The following ANK1 variants were observed in gnomAD, a reference collection of about 807,000 sequenced individuals.
ANK1 encodes ankyrin 1, also known as ankyrin-1.
Under a neutral mutation model 210.4 loss-of-function variants are expected in ANK1, and 51 were observed. The observed-to-expected ratio is 0.24, with a 90% CI of 0.19 to 0.31. The LOEUF is 0.31. Ranked by LOEUF, ANK1 falls within the 10% of genes least tolerant of loss-of-function variation. ANK1 has a pLI of 1.00. For missense variants in ANK1, 2,051 were observed against 2,504.4 expected (o/e 0.82, Z 3.86); for synonymous variants, 967 against 1,025.9 (o/e 0.94, Z 1.10).
chr8:41,800,173 C>A (rs1046768737), upstream of ANK1, among the ~76,000 whole-genome samples: 1 of 152,168 alleles, frequency 6.6e-6, no homozygotes, highest in African/African-American at 2.4e-5. Flanking sequence ...TCTCCACTCC[C>A]CCAAACCCCT....
At chr8:41,896,395 T>C in exon 1 of ANK1, 1 of 1,602,216 alleles carries the variant, frequency 6.2e-7, no homozygotes, top group Non-Finnish European at 8.5e-7. Context: ...CCGCTTCCTG[T>C]TGGATTCCTC....
At chr8:41,665,293 C>T (rs1231721230) in intron 39 of ANK1, 2 of 1,457,480 alleles carry the variant, frequency 1.4e-6, no homozygotes, top group Non-Finnish European at 1.8e-6. Flanking sequence ...TGACATCACG[C>T]TCCTATAATT....
intron 2 of ANK1, among the ~76,000 whole-genome samples, chr8:41,744,566 T>C (rs1483035590): frequency 6.8e-6 from 1 of 146,688 alleles, no homozygotes; most frequent in Non-Finnish European, 1.5e-5. Context: ...AGACAGAGTC[T>C]TGCTCTATTG....
chr8:41,849,805 T>C (rs1220580634), intron 1 of ANK1, among the ~76,000 whole-genome samples: 1 of 152,200 alleles, frequency 6.6e-6, no homozygotes, highest in Non-Finnish European at 1.5e-5. Flanking sequence ...ATTTTCTCTC[T>C]TCCTCTTAAC....
chr8:41,798,165 G>A (rs1248906288), upstream of ANK1, among the ~76,000 whole-genome samples: 3 of 152,002 alleles, frequency 2.0e-5, no homozygotes. Flanking sequence ...CGGCGCTGCG[G>A]GTGTGGGGCG....
chr8:41,726,116 CCCTGAAGCCCTT>C (rs1830640439), intron 5 of ANK1, among the ~76,000 whole-genome samples, 170 bp from the exon 6 acceptor site: 1 of 152,264 alleles, frequency 6.6e-6, no homozygotes, highest in Non-Finnish European at 1.5e-5. Flanking sequence ...GCCATCTCCT[CCCTGAAGCCCTT>C]CCTGCCTCCA....
At chr8:41,800,518 G>A (rs1388868637), upstream of ANK1, among the ~76,000 whole-genome samples, 1 of 152,088 alleles carries the variant, frequency 6.6e-6, no homozygotes, top group Non-Finnish European at 1.5e-5. Context: ...CATCTGGAAG[G>A]CAACAAAAAG....
intron 35 of ANK1, among the ~76,000 whole-genome samples, chr8:41,687,463 G>A (rs1015221222): frequency 1.3e-5 from 2 of 152,202 alleles, no homozygotes; most frequent in South Asian, 2.1e-4. Flanking sequence ...GCACGAGAAC[G>A]TAGCTTCTTG....
At chr8:41,880,756 G>C (rs1448026136) in intron 1 of ANK1, among the ~76,000 whole-genome samples, 1 of 152,240 alleles carries the variant, frequency 6.6e-6, no homozygotes, top group Admixed American at 6.5e-5. Context: ...AGAAGGCTCA[G>C]GCTTCTGCAT....
chr8:41,683,118 G>T (rs1022633441), intron 37 of ANK1, among the ~76,000 whole-genome samples: 4 of 145,798 alleles, frequency 2.7e-5, no homozygotes, highest in Non-Finnish European at 5.9e-5. Flanking sequence ...ACACACATAC[G>T]CACACACACA....
chr8:41,692,418 T>C (rs1379165564), intron 31 of ANK1, among the ~76,000 whole-genome samples: 1 of 152,242 alleles, frequency 6.6e-6, no homozygotes, highest in Non-Finnish European at 1.5e-5. Flanking sequence ...ACTCTTTTCA[T>C]AGATCACTGG....
chr8:41,681,986 G>A (rs983257213), intron 37 of ANK1, among the ~76,000 whole-genome samples: 5 of 152,168 alleles, frequency 3.3e-5, no homozygotes, highest in Non-Finnish European at 5.9e-5. Flanking sequence ...CAGAACATTC[G>A]ACTGTGACCA....
chr8:41,856,889 T>A (rs1459794087), intron 1 of ANK1, among the ~76,000 whole-genome samples: 1 of 146,488 alleles, frequency 6.8e-6, no homozygotes, highest in Non-Finnish European at 1.5e-5. Context: ...TTTTTTTTTT[T>A]TTTTTTTTTT....
chr8:41,827,518 T>C (rs1354005368), intron 1 of ANK1, among the ~76,000 whole-genome samples: 1 of 152,226 alleles, frequency 6.6e-6, no homozygotes, highest in Non-Finnish European at 1.5e-5. Flanking sequence ...TAATGGCCTT[T>C]AAAAGGAAAT....
chr8:41,873,953 C>G (rs1052439668), intron 1 of ANK1, among the ~76,000 whole-genome samples: 5 of 152,222 alleles, frequency 3.3e-5, no homozygotes, highest in Admixed American at 2.6e-4. Flanking sequence ...AACACCCTCC[C>G]CCTACACACA....
intron 2 of ANK1, among the ~76,000 whole-genome samples, chr8:41,735,219 T>C (rs1833130395): frequency 6.6e-6 from 1 of 152,210 alleles, no homozygotes. Flanking sequence ...CGGCAAAAGC[T>C]GACATCAAGG....
chr8:41,845,978 C>G (rs1809979997), intron 1 of ANK1, among the ~76,000 whole-genome samples: 1 of 152,136 alleles, frequency 6.6e-6, no homozygotes, highest in African/African-American at 2.4e-5. Context: ...ACCATTTTCT[C>G]TGCAAAATAG....
chr8:41,779,896 G>C (rs1180304812), intron 1 of ANK1, among the ~76,000 whole-genome samples: 1 of 152,224 alleles, frequency 6.6e-6, no homozygotes, highest in African/African-American at 2.4e-5. Flanking sequence ...GCAGCAACAA[G>C]AAGCTCAGAA....
chr8:41,704,368 C>T lies in ANK1; in HGVS notation c.2196+6G>A, dbSNP rs200761553. 7.3e-4 allele frequency: 1,171 copies of T among 1,613,790 alleles called. 8 individuals are homozygous for T. Among genetic ancestry groups the T allele is most frequent in the Middle Eastern group, 7.0e-3 (42 of 6,022 alleles). ...TGCAGGAGTCGGGGCTGGGGCACCC[C>T]TGTACCTTGGTCTTGGCATTGACAT... On this transcript the variant is annotated splice_donor_region_variant and intron_variant, in intron 19 of 42. Coordinates refer to ENST00000289734, the MANE Select transcript of ANK1 (RefSeq NM_000037.4). This position sits in a 1 kb window ranked among gnomAD's most constrained non-coding sequence, Gnocchi z 4.1.
Sources: gnomAD v4.1 joint callset for allele counts (sites outside exome capture counted in the v4.1 genomes callset) on GRCh38, gnomAD v4.1.1 for gene constraint, Gnocchi (gnomAD v3.1) non-coding constraint, MANE v1.5 for transcripts, NCBI Gene and HGNC (gene_info 2026-07-23, HGNC 2026-07-21) for gene names.